Variants in MINAR1 observed in about 807,000 individuals in gnomAD.
MINAR1 encodes membrane integral NOTCH2 associated receptor 1.
MINAR1 carries 40 observed loss-of-function variants against 65.1 expected under a neutral mutation model. The observed-to-expected ratio is 0.61, with a 90% CI of 0.48 to 0.80. MINAR1 has a LOEUF of 0.80. Among genes scored for constraint, MINAR1 ranks in the 30% least tolerant of loss-of-function variants. The pLI is 0.00. For synonymous variants in MINAR1, 482 were observed against 449.1 expected, an observed-to-expected ratio of 1.07 and a Z score of -0.93; for missense variants, 1,128 against 1,148.0, an observed-to-expected ratio of 0.98 and a Z score of 0.25.
intron 1 of MINAR1, among the ~76,000 whole-genome samples, chr15:79,448,684 G>A (rs1191010806): frequency 6.6e-6 from 1 of 152,154 alleles, no homozygotes; most frequent in East Asian, 1.9e-4. Context: ...TGGCGTATTG[G>A]AAAGGTTTGA....
In MINAR1 at chr15:79,456,100, C is replaced by G. The variant is rs1345688365; in HGVS notation, c.-48C>G. Reference sequence around the variant, plus strand: ...CTTTCTCAATATTGCCACCACAGAACTGACCTGAAGTTTCAGTGTAGTCAG... The same window carrying G: ...CTTTCTCAATATTGCCACCACAGAAGTGACCTGAAGTTTCAGTGTAGTCAG... On this transcript the variant is annotated splice_region_variant and 5_prime_UTR_variant, in exon 2 of 4. Transcript: ENST00000305428. 1 of 1,578,224 alleles carries G rather than the reference C, an allele frequency of 6.3e-7. No homozygotes were observed. The highest frequency in any genetic ancestry group is 1.7e-5 in the Admixed American group (1 of 58,074).
chr15:79,452,748 GGT>G (rs918888240), intron 1 of MINAR1, among the ~76,000 whole-genome samples: 65 of 130,704 alleles, frequency 5.0e-4, no homozygotes, highest in African/African-American at 1.6e-3. Context: ...GTGTGGGGGG[GGT>G]GTGTGGGTGA....
At chr15:79,417,238 A>G in the MINAR1 span, 2 of 152,250 alleles carry the variant, frequency 1.3e-5, no homozygotes, top group Non-Finnish European at 2.9e-5. Context: ...CTTAACAATC[A>G]CAAGAATGTA....
Position 79,435,045 on chromosome 15 carries a change from C to T in MINAR1, c.-51+2505C>T, listed in dbSNP as rs374725940. Among the ~76,000 whole-genome samples, 23 of 152,270 alleles carry T rather than the reference C, an allele frequency of 1.5e-4. No individual in the cohort carries two copies. The East Asian group carries it at 1.9e-3, about 13-fold the overall frequency. ...ATCCCAGCACTTTAGGAGGCCGAAG[C>T]GGGTGGATCACCTGAGGTCGGGAGT... On this transcript the variant is annotated intron_variant, in intron 1 of 3. Transcript: ENST00000305428.
In MINAR1 at chr15:79,456,695, AAG is replaced by A. The variant is rs1491585057; in HGVS notation, c.551_552del (p.Glu184GlyfsTer26). On this transcript the variant is annotated frameshift_variant, in exon 2 of 4. Transcript: ENST00000305428. LOFTEE classifies it high-confidence loss of function. Reference sequence around the variant, plus strand: ...CCTAACTTCCTGTTGGGAGTTAGCAAAGAGGTGAAAAACCGCGCCGCTTCCCT... The same window carrying A: ...CCTAACTTCCTGTTGGGAGTTAGCAAAGGTGAAAAACCGCGCCGCTTCCCT... 6.2e-7 allele frequency: 1 copy of A among 1,614,176 alleles called. No individual in the cohort carries two copies. The highest frequency in any genetic ancestry group is 1.7e-5 in the Admixed American group (1 of 60,026).
rs538551661 is a variant in MINAR1, at chr15:79,470,662, C to G, written c.*2278C>G. The G allele has an allele frequency of 2.6e-5, 4 of 152,290 alleles. No homozygotes were observed. Among genetic ancestry groups the G allele is most frequent in the East Asian group, 1.9e-4 (1 of 5,186 alleles). The allele number at this position is 152,290 out of a possible 1,614,324, so 9.4% of individuals were successfully genotyped here. On this transcript the variant is annotated 3_prime_UTR_variant, in exon 4 of 4. Coordinates refer to ENST00000305428, the MANE Select transcript of MINAR1 (RefSeq NM_015206.3). ...AAATGAAAGGATTCTATAGAATATTCTATACTTTCCATAGCTGGAGAGGTA... is the reference window on the plus strand; with the variant it reads ...AAATGAAAGGATTCTATAGAATATTGTATACTTTCCATAGCTGGAGAGGTA...
chr15:79,458,368 C>G lies in MINAR1; in HGVS notation c.2221C>G (p.Arg741Gly). Reference protein sequence around the residue: ...RDWRTITYTNRVGLNEEEIKD... With the variant: ...RDWRTITYTNGVGLNEEEIKD... ...CTGGCGCACCATCACTTATACCAAC[C>G]GTGTGGGCCTCAATGAGGAGGAGAT... Residue 741 changes from arginine to glycine, a missense_variant, in exon 2 of 4, where the codon CGT becomes GGT. Transcript: ENST00000305428. 1 of 1,614,178 alleles carries G rather than the reference C, an allele frequency of 6.2e-7. No individual in the cohort carries two copies. Among genetic ancestry groups the G allele is most frequent in the Non-Finnish European group, 8.5e-7 (1 of 1,180,020 alleles).
chr15:79,460,885 T>C (rs893993097), intron 2 of MINAR1, among the ~76,000 whole-genome samples: 3 of 152,216 alleles, frequency 2.0e-5, no homozygotes, highest in Non-Finnish European at 4.4e-5. Context: ...TGGTCACCCA[T>C]TCAGTAAACA....
intron 1 of MINAR1, among the ~76,000 whole-genome samples, chr15:79,446,119 C>T (rs934432833): frequency 6.6e-6 from 1 of 152,096 alleles, no homozygotes; most frequent in Non-Finnish European, 1.5e-5. Context: ...TTTAGAAGTC[C>T]TGCATTAAGT....
At chr15:79,468,128 C>T (rs747705149) in intron 3 of MINAR1, 59 bp from the exon 4 acceptor site, 51 of 1,394,452 alleles carry the variant, frequency 3.7e-5, no homozygotes, top group East Asian at 1.2e-4. Context: ...ACTGTCGGGA[C>T]GTCTTTGACC....
intron 1 of MINAR1, among the ~76,000 whole-genome samples, chr15:79,444,875 T>C (rs1894970308): frequency 1.3e-5 from 2 of 152,096 alleles, no homozygotes; most frequent in African/African-American, 4.8e-5. Flanking sequence ...TGGGTCCAGG[T>C]TCTCTATATG....
chr15:79,461,534 C>G (rs1434234959), intron 2 of MINAR1, among the ~76,000 whole-genome samples: 1 of 152,208 alleles, frequency 6.6e-6, no homozygotes, highest in African/African-American at 2.4e-5. Flanking sequence ...TGAGCAAAAA[C>G]TGGTGAAGTC....
chr15:79,420,014 A>G, the MINAR1 span: 6 of 152,220 alleles, frequency 3.9e-5, no homozygotes, highest in Admixed American at 6.5e-5. Context: ...AAACCAACAA[A>G]CAACACCTGA....
intron 1 of MINAR1, among the ~76,000 whole-genome samples, chr15:79,444,509 A>C (rs947976649): frequency 1.3e-5 from 2 of 151,914 alleles, no homozygotes; most frequent in African/African-American, 4.8e-5. Context: ...CCACTTCTAG[A>C]GTGGGATGCT....
intron 2 of MINAR1, among the ~76,000 whole-genome samples, chr15:79,458,817 C>T (rs535905913): frequency 2.6e-5 from 4 of 152,212 alleles, no homozygotes; most frequent in South Asian, 2.1e-4. Context: ...GCCAGGTACA[C>T]GAGGGAAAAT....
chr15:79,449,897 C>T (rs2141286541), intron 1 of MINAR1, among the ~76,000 whole-genome samples: 1 of 152,322 alleles, frequency 6.6e-6, no homozygotes, highest in East Asian at 1.9e-4. Flanking sequence ...CCTACCCTGT[C>T]CCTTTTCTCC....
At chr15:79,416,484 A>C in the MINAR1 span, 1 of 152,232 alleles carries the variant, frequency 6.6e-6, no homozygotes, top group Non-Finnish European at 1.5e-5. Flanking sequence ...GTCTCATCTT[A>C]CCAGGACAGA....
rs372335362 is a variant in MINAR1, at chr15:79,457,329, C to T, written c.1182C>T (p.His394=). 7.2e-5 allele frequency: 117 copies of T among 1,614,220 alleles called. 1 individual carries two copies. Among genetic ancestry groups the T allele is most frequent in the Middle Eastern group, 6.6e-4 (4 of 6,062 alleles). The change falls in exon 2 of 4, where the codon CAC becomes CAT. Residue 394 remains histidine, a synonymous_variant. Transcript: ENST00000305428. The part of the protein sequence containing the change: ...FNRNPSEEKL[H]YPNASSQTPN... ...GAAATCCCTCCGAGGAGAAGCTACA[C>T]TATCCAAATGCCAGTAGCCAGACCC...
the MINAR1 span, chr15:79,412,557 T>C: frequency 1.3e-5 from 2 of 152,394 alleles, no homozygotes; most frequent in South Asian, 4.1e-4. Flanking sequence ...CCCGCTCCCA[T>C]GCTAACACCA....
Sources: gnomAD v4.1 joint callset for allele counts (sites outside exome capture counted in the v4.1 genomes callset) on GRCh38, gnomAD v4.1.1 for gene constraint, MANE v1.5 for transcripts, NCBI Gene and HGNC (gene_info 2026-07-23, HGNC 2026-07-21) for gene names.